Variants in SPIN1 observed in about 807,000 individuals in gnomAD.
SPIN1 encodes the protein spindlin-1.
Under a neutral mutation model 26.0 loss-of-function variants are expected in SPIN1, and 3 were observed. The ratio of observed to expected loss-of-function variants is 0.12; its 90% CI spans 0.05 to 0.30. The LOEUF (loss-of-function observed/expected upper bound fraction) is 0.30. Among genes scored for constraint, SPIN1 ranks in the 10% least tolerant of loss-of-function variants. SPIN1 has a pLI of 1.00. For missense variants in SPIN1, 126 were observed against 333.4 expected, an observed-to-expected ratio of 0.38 and a Z score of 4.84; for synonymous variants, 101 against 116.5, an observed-to-expected ratio of 0.87 and a Z score of 0.86.
At chr9:88,422,974 G>T (rs1172518650) in intron 1 of SPIN1, among the ~76,000 whole-genome samples, 5 of 152,044 alleles carry the variant, frequency 3.3e-5, no homozygotes, top group Admixed American at 2.6e-4. Flanking sequence ...CTCCCAAAAT[G>T]CTGGGATTAC....
chr9:88,457,983 T>C, intron 3 of SPIN1: 1 of 985,264 alleles, frequency 1.0e-6, no homozygotes, highest in South Asian at 4.7e-5. Flanking sequence ...TAAGTTTTTC[T>C]TTTACTAAGG....
At position 88,462,549 on chromosome 9, in the gene SPIN1, A is replaced by T; in HGVS notation, c.155A>T (p.Asn52Ile). The T allele has an allele frequency of 6.2e-7, 1 of 1,614,170 alleles. No individual in the cohort carries two copies. The highest frequency in any genetic ancestry group is 8.5e-7 in the Non-Finnish European group (1 of 1,180,024). Residue 52 changes from asparagine (N) to isoleucine (I), a missense_variant, in exon 4 of 6, where the codon AAC becomes ATC. Asn to Ile is a moderately radical substitution (Grantham distance 149). Transcript: ENST00000375859. ...PSKPVSQPRR[N>I]IVGCRIQHGW... ...AAACCTGTTTCCCAGCCCCGGCGGA[A>T]CATCGTAGGCTGCAGGATTCAGCAT...
chr9:88,455,056 A>G (rs1441057380), intron 3 of SPIN1, among the ~76,000 whole-genome samples: 1 of 152,262 alleles, frequency 6.6e-6, no homozygotes. Flanking sequence ...CTTGAATCAC[A>G]AAAAGGCAGT....
At chr9:88,411,411 T>C in intron 1 of SPIN1, 1 of 1,591,386 alleles carries the variant, frequency 6.3e-7, no homozygotes, top group East Asian at 2.2e-5. Flanking sequence ...AACCCTCCAA[T>C]GAAGAGCTTC....
chr9:88,398,232 T>C (rs1827108938), intron 1 of SPIN1, among the ~76,000 whole-genome samples: 1 of 152,026 alleles, frequency 6.6e-6, no homozygotes. Flanking sequence ...ACTACAGGCA[T>C]GAGTCACCGT....
chr9:88,413,496 A>G (rs1301897922), intron 1 of SPIN1, among the ~76,000 whole-genome samples: 1 of 148,764 alleles, frequency 6.7e-6, no homozygotes, highest in Admixed American at 6.7e-5. Context: ...TGATTCTTCT[A>G]CCTCAGCCTC....
intron 3 of SPIN1, among the ~76,000 whole-genome samples, chr9:88,451,470 G>A (rs886248970): frequency 5.3e-5 from 8 of 152,164 alleles, no homozygotes; most frequent in Non-Finnish European, 8.8e-5. Flanking sequence ...AGCACCTTGT[G>A]GTGTTTTGGG....
chr9:88,433,430 C>T lies in SPIN1; in HGVS notation c.52+6839C>T, dbSNP rs577652881. 1.3e-3 allele frequency among the ~76,000 whole-genome samples: 195 copies of T among 152,046 alleles called. 1 individual carries two copies. The highest frequency in any genetic ancestry group is 4.4e-3 in the African/African-American group (181 of 41,540). On this transcript the variant is annotated intron_variant, in intron 2 of 5. Coordinates refer to ENST00000375859, the MANE Select transcript of SPIN1 (RefSeq NM_006717.3). The stretch of plus-strand genomic sequence containing the variant: ...TTTCTAGTGTTAGCCTTGTTGCTGA[C>T]GAGTTTCTTTGTGTCTCTGCTATTA...
chr9:88,447,782 A>G lies in SPIN1; in HGVS notation c.53-1159A>G, dbSNP rs189707297. 2.4e-4 allele frequency among the ~76,000 whole-genome samples: 36 copies of G among 152,280 alleles called. No homozygotes were observed. The East Asian group carries it at 6.6e-3, about 28-fold the overall frequency. On this transcript the variant is annotated intron_variant, in intron 2 of 5. Transcript: ENST00000375859. ...CTTCCCAACGCTACACTGAGTCACA[A>G]CATGGTAAAAGGGTGGTGTTCTTGG...
intron 2 of SPIN1, among the ~76,000 whole-genome samples, chr9:88,440,935 C>T (rs761444546): frequency 6.8e-6 from 1 of 146,998 alleles, no homozygotes; most frequent in Non-Finnish European, 1.5e-5. Context: ...TTACAAAAAA[C>T]AAAAAACGCC....
intron 2 of SPIN1, among the ~76,000 whole-genome samples, chr9:88,436,428 A>G (rs1827999894): frequency 1.3e-5 from 2 of 151,958 alleles, no homozygotes; most frequent in Non-Finnish European, 2.9e-5. Flanking sequence ...TGTGCAGCAC[A>G]CCCTGCCCCA....
chr9:88,448,718 G>A (rs1324451023), intron 2 of SPIN1, among the ~76,000 whole-genome samples: 1 of 152,118 alleles, frequency 6.6e-6, no homozygotes, highest in Non-Finnish European at 1.5e-5. Flanking sequence ...GATTTGAGGG[G>A]ATAGAGAACT....
rs1393102664 is a variant in SPIN1, at chr9:88,413,101, C to T, written c.-158-13281C>T. Among the ~76,000 whole-genome samples the T allele has an allele frequency of 1.4e-4, 18 of 124,280 alleles. 1 individual carries two copies. Among genetic ancestry groups the T allele is most frequent in the African/African-American group, 5.9e-4 (18 of 30,652 alleles). The allele number at this position is 124,280 out of a possible 152,430, so 81.5% of individuals were successfully genotyped here. On this transcript the variant is annotated intron_variant, in intron 1 of 5. Coordinates refer to ENST00000375859, the MANE Select transcript of SPIN1 (RefSeq NM_006717.3). ...TTTTTTTTTGAGATGGAGTTTTGCTCTGTTGCTCAGGCTAGAGTGCAGTAG... is the reference window on the plus strand; with the variant it reads ...TTTTTTTTTGAGATGGAGTTTTGCTTTGTTGCTCAGGCTAGAGTGCAGTAG...
chr9:88,467,714 A>G (rs1014097937), intron 4 of SPIN1, among the ~76,000 whole-genome samples: 3 of 152,178 alleles, frequency 2.0e-5, no homozygotes, highest in Non-Finnish European at 4.4e-5. Context: ...AGATCACACA[A>G]TGTGGTATCA....
At chr9:88,429,584 A>G (rs1206833877) in intron 2 of SPIN1, among the ~76,000 whole-genome samples, 1 of 152,208 alleles carries the variant, frequency 6.6e-6, no homozygotes, top group Non-Finnish European at 1.5e-5. Flanking sequence ...AGAGATGCAT[A>G]GGGCAAGGCA....
Position 88,444,236 on chromosome 9 carries a change from A to ATTT in SPIN1, c.53-4685_53-4683dup, listed in dbSNP as rs745590731. 1.1e-3 allele frequency among the ~76,000 whole-genome samples: 112 copies of ATTT among 102,434 alleles called. 1 individual carries two copies. The highest frequency in any genetic ancestry group is 6.4e-3 in the Middle Eastern group (1 of 156). The allele number at this position is 102,434 out of a possible 152,430, so 67.2% of individuals were successfully genotyped here. Reference sequence around the variant, plus strand: ...TCCCTTTTCATAGCCTCTTGTTCCCATTTTTTTTTTTTTTTTTTTTTTGAG... The same window carrying ATTT: ...TCCCTTTTCATAGCCTCTTGTTCCCATTTTTTTTTTTTTTTTTTTTTTTTTGAG... On this transcript the variant is annotated intron_variant, in intron 2 of 5. Coordinates refer to ENST00000375859, the MANE Select transcript of SPIN1 (RefSeq NM_006717.3).
At chr9:88,460,335 A>C (rs1195858716) in intron 3 of SPIN1, among the ~76,000 whole-genome samples, 1 of 152,126 alleles carries the variant, frequency 6.6e-6, no homozygotes, top group Non-Finnish European at 1.5e-5. Flanking sequence ...ATTTCTGAAA[A>C]AAAATTTCAA....
intron 3 of SPIN1, among the ~76,000 whole-genome samples, chr9:88,459,038 A>G (rs1336484362): frequency 1.3e-5 from 2 of 152,298 alleles, no homozygotes; most frequent in East Asian, 3.9e-4. Context: ...TAACCACCAT[A>G]TGGGTGAAGA....
At chr9:88,430,748 T>C (rs946426206) in intron 2 of SPIN1, among the ~76,000 whole-genome samples, 3 of 152,250 alleles carry the variant, frequency 2.0e-5, no homozygotes, top group African/African-American at 7.2e-5. Flanking sequence ...TAGCAGTTTA[T>C]GCCTAATGAC....
Sources: allele counts gnomAD v4.1 joint callset (sites outside exome capture counted in the v4.1 genomes callset), GRCh38; gene constraint gnomAD v4.1.1; transcripts MANE v1.5; gene names NCBI Gene and HGNC (gene_info 2026-07-23, HGNC 2026-07-21).